RERE: variants seen among roughly 807,000 people sequenced by gnomAD.
The protein encoded by RERE is arginine-glutamic acid dipeptide repeats protein.
In RERE, 40 loss-of-function variants were observed where a neutral mutation model predicts 146.1. The observed-to-expected ratio is 0.27, with a 90% CI of 0.21 to 0.36. The LOEUF (loss-of-function observed/expected upper bound fraction) is 0.36, where lower values mean the gene tolerates loss of function less well. RERE is among the 10% of genes least tolerant of loss of function. The pLI, the probability that RERE is intolerant of heterozygous loss-of-function variation, is 1.00. For missense variants in RERE, 1,933 were observed against 2,138.7 expected (o/e 0.90, Z 1.90); for synonymous variants, 1,003 against 866.0 (o/e 1.16, Z -2.78).
chr1:8,749,038 A>C (rs1640478517), intron 1 of RERE, among the ~76,000 whole-genome samples: 1 of 152,222 alleles, frequency 6.6e-6, no homozygotes, highest in Non-Finnish European at 1.5e-5. Flanking sequence ...CTTGCTTTAC[A>C]AGCATTTAAT....
rs373930597 is a variant in RERE at position 8,679,368 on chromosome 1, GAA to G, written c.-144-22929_-144-22928del. On this transcript the variant is annotated intron_variant, in intron 1 of 22. Transcript: ENST00000400908. ...AGCAATTTACACAACGTGACCCGAG[GAA>G]AAAAGAGCAAGAAACCATTTTTTTC... Among the ~76,000 whole-genome samples the G allele has an allele frequency of 3.3e-3, 500 of 152,116 alleles. 1 individual carries two copies. The highest frequency in any genetic ancestry group is 0.011 in the African/African-American group (473 of 41,494).
At chr1:8,526,195 A>C (rs971256065) in intron 7 of RERE, among the ~76,000 whole-genome samples, 2 of 152,158 alleles carry the variant, frequency 1.3e-5, no homozygotes, top group African/African-American at 4.8e-5. Flanking sequence ...GAGAGGCTTC[A>C]GTTAAATGCC....
intron 4 of RERE, among the ~76,000 whole-genome samples, chr1:8,603,446 A>G (rs1407170246): frequency 2.6e-5 from 4 of 152,236 alleles, no homozygotes; most frequent in African/African-American, 9.6e-5. Flanking sequence ...ATCCAAGAAC[A>G]TGGGCCATAA....
chr1:8,695,310 C>T (rs1639303791), intron 1 of RERE, among the ~76,000 whole-genome samples: 10 of 151,984 alleles, frequency 6.6e-5, no homozygotes, highest in Admixed American at 6.5e-4. Context: ...CTGTAAAAAT[C>T]CCAGAAGAAA....
intron 3 of RERE, among the ~76,000 whole-genome samples, chr1:8,620,448 G>A (rs939520611): frequency 2.6e-5 from 4 of 152,110 alleles, no homozygotes; most frequent in African/African-American, 9.7e-5. Flanking sequence ...TGTCATTCAG[G>A]TAATTCTTTT....
intron 12 of RERE, among the ~76,000 whole-genome samples, chr1:8,374,350 A>T (rs1642157528): frequency 6.6e-6 from 1 of 150,864 alleles, no homozygotes; most frequent in Admixed American, 6.6e-5. Context: ...ATAACATTTT[A>T]AAAAATCAGT....
intron 1 of RERE, among the ~76,000 whole-genome samples, chr1:8,789,140 A>G (rs1156506529): frequency 2.6e-5 from 4 of 151,088 alleles, no homozygotes; most frequent in African/African-American, 9.7e-5. Context: ...GGTAAAATTT[A>G]TCTTGTATAA....
chr1:8,576,468 C>A (rs1282361993), intron 4 of RERE, among the ~76,000 whole-genome samples: 1 of 151,928 alleles, frequency 6.6e-6, no homozygotes, highest in Non-Finnish European at 1.5e-5. Flanking sequence ...GGAATTTAGT[C>A]CATAATAAAG....
chr1:8,541,165 G>A (rs1645795710), intron 7 of RERE, 49 bp downstream of exon 7: 2 of 1,026,012 alleles, frequency 1.9e-6, no homozygotes, highest in Admixed American at 1.9e-5. Flanking sequence ...ACACACAAAT[G>A]AGAAAAGGAA....
intron 11 of RERE, among the ~76,000 whole-genome samples, chr1:8,430,844 C>T (rs1644086429): frequency 6.6e-6 from 1 of 152,188 alleles, no homozygotes; most frequent in Admixed American, 6.5e-5. Context: ...TCTCCTGGCC[C>T]ATCCACATCT....
chr1:8,410,705 C>A (rs568764713), intron 12 of RERE, among the ~76,000 whole-genome samples: 1 of 152,212 alleles, frequency 6.6e-6, no homozygotes, highest in African/African-American at 2.4e-5. Flanking sequence ...AAACACCCAT[C>A]CTTCAAAGAG....
chr1:8,582,248 C>A (rs1383767501), intron 4 of RERE, among the ~76,000 whole-genome samples: 1 of 151,914 alleles, frequency 6.6e-6, no homozygotes, highest in Admixed American at 6.6e-5. Context: ...CAGGCTGCAG[C>A]GCAGTGGCTA....
At chr1:8,489,734 G>A (rs1215614214) in intron 10 of RERE, among the ~76,000 whole-genome samples, 2 of 152,138 alleles carry the variant, frequency 1.3e-5, no homozygotes, top group African/African-American at 4.8e-5. Context: ...CACTACTGAT[G>A]GGAATCTAAA....
chr1:8,633,284 A>C (rs1557446440), intron 2 of RERE, among the ~76,000 whole-genome samples: 1 of 152,222 alleles, frequency 6.6e-6, no homozygotes, highest in Non-Finnish European at 1.5e-5. Context: ...ATAGCTGGGC[A>C]CGGTGGCAGG....
intron 2 of RERE, among the ~76,000 whole-genome samples, chr1:8,626,850 C>T (rs542452770): frequency 3.9e-5 from 6 of 152,304 alleles, no homozygotes; most frequent in South Asian, 4.1e-4. Context: ...AGCCACTTTT[C>T]GCATTTCTTT....
rs1557461671 is a variant in RERE, at chr1:8,656,247, TC to T, written c.50del (p.Arg17GlnfsTer78). 6.2e-7 allele frequency: 1 copy of T among 1,613,314 alleles called. No homozygotes were observed. The highest frequency in any genetic ancestry group is 8.5e-7 in the Non-Finnish European group (1 of 1,179,342). ...TTTTCTCTCTCTCTCGGTCCCGGTC[TC>T]GGTCCCGGTCCTTCTCTTTGTCTTT... ...KDKDKEKDRD[R>X]DRDREREKRD... On this transcript the variant is annotated frameshift_variant, in exon 2 of 23. Transcript: ENST00000400908. LOFTEE classifies it high-confidence loss of function.
At chr1:8,724,209 A>C (rs1445250463) in intron 1 of RERE, among the ~76,000 whole-genome samples, 1 of 152,112 alleles carries the variant, frequency 6.6e-6, no homozygotes, top group African/African-American at 2.4e-5. Flanking sequence ...TATTTGCATA[A>C]ATTAAAGCTG....
intron 12 of RERE, among the ~76,000 whole-genome samples, chr1:8,395,949 C>T (rs570429853): frequency 1.3e-5 from 2 of 152,266 alleles, no homozygotes; most frequent in African/African-American, 2.4e-5. Flanking sequence ...TATTATTCTG[C>T]TCTGTAAGGC....
intron 1 of RERE, among the ~76,000 whole-genome samples, chr1:8,657,190 G>A (rs542060196): frequency 6.6e-6 from 1 of 151,294 alleles, no homozygotes; most frequent in Non-Finnish European, 1.5e-5. Context: ...CTGTAGTCCC[G>A]GCTACTCAGG....
Sources: allele counts gnomAD v4.1 joint callset (sites outside exome capture counted in the v4.1 genomes callset), GRCh38; gene constraint gnomAD v4.1.1; transcripts MANE v1.5; gene names NCBI Gene and HGNC (gene_info 2026-07-23, HGNC 2026-07-21).